The following GNG4 variants were observed in gnomAD, a reference collection of about 807,000 sequenced individuals.
GNG4 encodes the protein guanine nucleotide-binding protein G(I)/G(S)/G(O) subunit gamma-4.
GNG4 carries 4 observed loss-of-function variants against 5.8 expected under a neutral mutation model. The ratio of observed to expected loss-of-function variants is 0.69; its 90% CI spans 0.34 to 1.57. The LOEUF (loss-of-function observed/expected upper bound fraction) is 1.57. Among genes scored for constraint, GNG4 ranks in the 40% most tolerant of loss-of-function variants. The probability of loss-of-function intolerance (pLI) is 0.06; values close to 1 mark genes in which losing one functional copy is unlikely to be tolerated. For missense variants in GNG4, 96 were observed against 95.1 expected (o/e 1.01, Z -0.04); for synonymous variants, 29 against 32.9 (o/e 0.88, Z 0.41).
At chr1:235,567,943 T>G (rs1687240404) in intron 3 of GNG4, among the ~76,000 whole-genome samples, 1 of 152,122 alleles carries the variant, frequency 6.6e-6, no homozygotes, top group Non-Finnish European at 1.5e-5. Flanking sequence ...AGAACAATTG[T>G]TCTGAGAGAC....
At chr1:235,564,928 C>A (rs1687156641) in intron 3 of GNG4, among the ~76,000 whole-genome samples, 1 of 152,150 alleles carries the variant, frequency 6.6e-6, no homozygotes, top group African/African-American at 2.4e-5. Context: ...TGTGATCCGC[C>A]CACCTTGGCC....
rs560460929 is a variant in GNG4, at chr1:235,616,529, C to T, written c.-122-21018G>A. 367 of 190,636 alleles carry T rather than the reference C, an allele frequency of 1.9e-3. 3 individuals carry two copies. The highest frequency in any genetic ancestry group is 8.2e-3 in the African/African-American group (346 of 42,036). The allele number at this position is 190,636 out of a possible 1,614,324, so 11.8% of individuals were successfully genotyped here. ...GAAAAACTTACACAGATTGTATTCC[C>T]GCCTTCAGATGTCAGCGGTGTTTAC... On this transcript the variant is annotated intron_variant, in intron 1 of 3. Transcript: ENST00000391854.
At chr1:235,646,562 C>T (rs1422583483) in intron 1 of GNG4, among the ~76,000 whole-genome samples, 1 of 152,222 alleles carries the variant, frequency 6.6e-6, no homozygotes, top group Non-Finnish European at 1.5e-5. Context: ...TCCTCGGAGA[C>T]TGGGCCTTTG....
At chr1:235,554,596 C>T (rs1372116909) in intron 3 of GNG4, among the ~76,000 whole-genome samples, 1 of 152,214 alleles carries the variant, frequency 6.6e-6, no homozygotes, top group Non-Finnish European at 1.5e-5. Context: ...GTAATCCCAG[C>T]ACTTTGGGAG....
At chr1:235,570,225 T>C (rs1687298530) in intron 3 of GNG4, among the ~76,000 whole-genome samples, 1 of 152,116 alleles carries the variant, frequency 6.6e-6, no homozygotes, top group African/African-American at 2.4e-5. Flanking sequence ...ACACTCCATC[T>C]GTTTCTTTTG....
intron 1 of GNG4, among the ~76,000 whole-genome samples, chr1:235,641,087 G>A (rs755397359): frequency 6.6e-6 from 1 of 152,210 alleles, no homozygotes; most frequent in Non-Finnish European, 1.5e-5. Flanking sequence ...AAGGCACTTG[G>A]GCATAAATTA....
chr1:235,566,976 C>G (rs1687212949), intron 3 of GNG4: 2 of 152,070 alleles, frequency 1.3e-5, no homozygotes, highest in African/African-American at 4.8e-5. Context: ...AAGTCTTGCT[C>G]TGTTGCCCTG....
chr1:235,638,669 C>CA (rs1275544563), intron 1 of GNG4, among the ~76,000 whole-genome samples: 2 of 152,056 alleles, frequency 1.3e-5, no homozygotes, highest in Non-Finnish European at 2.9e-5. Context: ...CCTCACCCCC[C>CA]AACAGGGCTC....
intron 3 of GNG4, among the ~76,000 whole-genome samples, chr1:235,559,800 A>C (rs1432647148): frequency 6.6e-6 from 1 of 152,256 alleles, no homozygotes; most frequent in African/African-American, 2.4e-5. Context: ...TACTTTCAGC[A>C]TAGGCTTTTT....
In GNG4 at chr1:235,573,649, C is replaced by T. The variant is rs373248143; in HGVS notation, c.99+10091G>A. 5.4e-4 allele frequency among the ~76,000 whole-genome samples: 82 copies of T among 151,980 alleles called. 1 individual carries two copies. The highest frequency in any genetic ancestry group is 1.8e-3 in the African/African-American group (76 of 41,442). On this transcript the variant is annotated intron_variant, in intron 3 of 3. Coordinates refer to ENST00000391854, the MANE Select transcript of GNG4 (RefSeq NM_001098722.2). Reference sequence around the variant, plus strand: ...AAAATTAGCCGGGTGTGGTGGCGGGCGCCTGTAGTCCCAGCTACTCAGGAG... The same window carrying T: ...AAAATTAGCCGGGTGTGGTGGCGGGTGCCTGTAGTCCCAGCTACTCAGGAG...
chr1:235,578,765 T>C (rs1427304179), intron 3 of GNG4, among the ~76,000 whole-genome samples: 1 of 152,008 alleles, frequency 6.6e-6, no homozygotes, highest in Non-Finnish European at 1.5e-5. Context: ...TACCTGAGGC[T>C]GTGGGGTGGT....
At chr1:235,568,251 A>G (rs919561791) in intron 3 of GNG4, among the ~76,000 whole-genome samples, 3 of 151,990 alleles carry the variant, frequency 2.0e-5, no homozygotes, top group Non-Finnish European at 4.4e-5. Flanking sequence ...CCCTGCATCA[A>G]AACAGGTGAC....
At chr1:235,636,355 T>TG (rs976124847) in intron 1 of GNG4, among the ~76,000 whole-genome samples, 9 of 152,192 alleles carry the variant, frequency 5.9e-5, no homozygotes, top group Admixed American at 2.6e-4. Flanking sequence ...GAAGGCTCTT[T>TG]GGGGGTCTCA....
chr1:235,591,705 G>A (rs772576202), intron 2 of GNG4, among the ~76,000 whole-genome samples: 13 of 152,184 alleles, frequency 8.5e-5, no homozygotes, highest in African/African-American at 1.7e-4. Flanking sequence ...ACTGGCTACC[G>A]GCAACACTGA....
chr1:235,632,515 C>G (rs1473416823), intron 1 of GNG4, among the ~76,000 whole-genome samples: 1 of 152,202 alleles, frequency 6.6e-6, no homozygotes, highest in Non-Finnish European at 1.5e-5. Context: ...GTTTAACCAA[C>G]TGGAAAAAGT....
intron 1 of GNG4, among the ~76,000 whole-genome samples, chr1:235,613,169 C>A (rs886527148): frequency 2.0e-5 from 3 of 152,126 alleles, no homozygotes; most frequent in Non-Finnish European, 2.9e-5. Context: ...CTGAGAAGTT[C>A]AAAGCATGGC....
intron 3 of GNG4, among the ~76,000 whole-genome samples, chr1:235,573,559 C>T (rs1303228803): frequency 3.3e-5 from 5 of 152,038 alleles, no homozygotes; most frequent in South Asian, 2.1e-4. Flanking sequence ...GGGCGGATCA[C>T]GAAGTCAGGA....
intron 3 of GNG4, among the ~76,000 whole-genome samples, chr1:235,580,439 A>C (rs759765990): frequency 7.2e-5 from 11 of 152,262 alleles, no homozygotes; most frequent in Non-Finnish European, 1.3e-4. Flanking sequence ...TTTTACCACA[A>C]CTAAAAAAAT....
chr1:235,647,457 G>T (rs1657540931), intron 1 of GNG4, among the ~76,000 whole-genome samples: 1 of 152,120 alleles, frequency 6.6e-6, no homozygotes, highest in East Asian at 1.9e-4. Flanking sequence ...TAAGTGAGAT[G>T]CAGCTATAAA....
Sources: gnomAD v4.1 joint callset for allele counts (sites outside exome capture counted in the v4.1 genomes callset) on GRCh38, gnomAD v4.1.1 for gene constraint, MANE v1.5 for transcripts, NCBI Gene and HGNC (gene_info 2026-07-23, HGNC 2026-07-21) for gene names.